ADGRL3: variants seen among roughly 807,000 people sequenced by gnomAD.
The protein encoded by ADGRL3 is adhesion G protein-coupled receptor L3.
A neutral mutation model predicts 153.5 loss-of-function variants in ADGRL3; 62 were observed. The ratio of observed to expected loss-of-function variants is 0.40; its 90% CI spans 0.33 to 0.50. The LOEUF (loss-of-function observed/expected upper bound fraction) is 0.50, where lower values mean the gene tolerates loss of function less well. Ranked by LOEUF, ADGRL3 falls within the 20% of genes least tolerant of loss-of-function variation. The pLI, the probability that ADGRL3 is intolerant of heterozygous loss-of-function variation, is 0.47. For missense variants in ADGRL3, 1,641 were observed against 1,859.4 expected (o/e 0.88, Z 2.16); for synonymous variants, 710 against 672.5 (o/e 1.06, Z -0.86).
intron 21 of ADGRL3, among the ~76,000 whole-genome samples, chr4:62,001,942 A>G (rs1433912710): frequency 6.6e-6 from 1 of 152,128 alleles, no homozygotes; most frequent in African/African-American, 2.4e-5. Context: ...TCATTCATTC[A>G]GTTACCAAGT....
chr4:61,755,446 G>A (rs549770064), intron 8 of ADGRL3, among the ~76,000 whole-genome samples: 16 of 152,184 alleles, frequency 1.1e-4, no homozygotes, highest in South Asian at 2.1e-4. Context: ...CATATCCTTC[G>A]CCCACTTTTT....
At chr4:61,724,442 G>C (rs941285628) in intron 6 of ADGRL3, among the ~76,000 whole-genome samples, 1 of 152,222 alleles carries the variant, frequency 6.6e-6, no homozygotes, top group East Asian at 1.9e-4. Context: ...TATAGATATT[G>C]CATTTAAGTG....
chr4:61,775,166 T>C (rs2097132836), intron 8 of ADGRL3, among the ~76,000 whole-genome samples: 1 of 152,126 alleles, frequency 6.6e-6, no homozygotes, highest in Non-Finnish European at 1.5e-5. Context: ...CTTCACTGAA[T>C]TATCCCCCAA....
chr4:62,055,227 G>A (rs1158424920), intron 25 of ADGRL3, among the ~76,000 whole-genome samples: 4 of 151,668 alleles, frequency 2.6e-5, no homozygotes, highest in African/African-American at 7.3e-5. Flanking sequence ...CTGAATCTTC[G>A]GATTTGTATG....
chr4:61,917,784 G>A (rs913837363), intron 13 of ADGRL3, among the ~76,000 whole-genome samples: 14 of 149,836 alleles, frequency 9.3e-5, no homozygotes, highest in South Asian at 2.1e-4. Context: ...ATGCAGGAGC[G>A]AGCATTTTAG....
At chr4:61,664,932 G>A (rs951033975) in intron 5 of ADGRL3, among the ~76,000 whole-genome samples, 5 of 152,064 alleles carry the variant, frequency 3.3e-5, no homozygotes, top group African/African-American at 9.7e-5. Flanking sequence ...CCTTTAGGTA[G>A]CCAGGTCCTT....
intron 17 of ADGRL3, among the ~76,000 whole-genome samples, chr4:61,972,878 A>G (rs1462612889): frequency 6.6e-6 from 1 of 152,172 alleles, no homozygotes; most frequent in African/African-American, 2.4e-5. Flanking sequence ...CAACATTAAA[A>G]TAATGCATTA....
chr4:61,717,944 G>T (rs1181533833), intron 6 of ADGRL3, among the ~76,000 whole-genome samples: 1 of 152,092 alleles, frequency 6.6e-6, no homozygotes, highest in Non-Finnish European at 1.5e-5. Context: ...TGAGGAGGGA[G>T]GATTGCTTGA....
intron 4 of ADGRL3, among the ~76,000 whole-genome samples, chr4:61,554,272 C>A (rs373324990): frequency 2.0e-5 from 3 of 151,614 alleles, no homozygotes; most frequent in Non-Finnish European, 2.9e-5. Flanking sequence ...TGGCTCACTG[C>A]AACCTCCACC....
chr4:61,619,231 A>C (rs2092311847), intron 5 of ADGRL3, among the ~76,000 whole-genome samples: 1 of 152,124 alleles, frequency 6.6e-6, no homozygotes, highest in Admixed American at 6.5e-5. Context: ...TTGTGCATAG[A>C]CCGTACAAAG....
intron 17 of ADGRL3, among the ~76,000 whole-genome samples, chr4:61,975,264 A>C: frequency 6.6e-6 from 1 of 152,106 alleles, no homozygotes; most frequent in Admixed American, 6.5e-5. Context: ...ACTCAGAAAA[A>C]ACCCTCTGTG....
At chr4:61,512,979 A>G (rs796577228) in intron 3 of ADGRL3, among the ~76,000 whole-genome samples, 87 of 152,260 alleles carry the variant, frequency 5.7e-4, no homozygotes, top group African/African-American at 1.9e-3. Flanking sequence ...ATGGTGAAAT[A>G]TAACCCTAAA....
At chr4:61,816,472 G>A (rs2097689708) in intron 9 of ADGRL3, among the ~76,000 whole-genome samples, 1 of 152,154 alleles carries the variant, frequency 6.6e-6, no homozygotes, top group Non-Finnish European at 1.5e-5. Context: ...AAGTCACAGA[G>A]CAAATTCAAT....
intron 6 of ADGRL3, among the ~76,000 whole-genome samples, chr4:61,698,007 C>T (rs193092771): frequency 5.5e-4 from 84 of 152,268 alleles, no homozygotes; most frequent in African/African-American, 2.0e-3. Flanking sequence ...CAGGCTCCCC[C>T]ACTATTAGGA....
intron 8 of ADGRL3, among the ~76,000 whole-genome samples, chr4:61,755,059 A>T (rs554085520): frequency 6.6e-6 from 1 of 152,250 alleles, no homozygotes; most frequent in East Asian, 1.9e-4. Flanking sequence ...TGCTATTGTG[A>T]ATAGTGCTGC....
intron 6 of ADGRL3, among the ~76,000 whole-genome samples, chr4:61,697,964 G>A (rs907431283): frequency 6.6e-6 from 1 of 152,042 alleles, no homozygotes; most frequent in Non-Finnish European, 1.5e-5. Context: ...TCAAGCTATG[G>A]GAAAATACTT....
chr4:61,202,152 C>G lies in ADGRL3; in HGVS notation c.-240+387C>G, dbSNP rs1035030221. 6.5e-6 allele frequency: 1 copy of G among 153,302 alleles called. No homozygotes were observed. Among genetic ancestry groups the G allele is most frequent in the Admixed American group, 6.5e-5 (1 of 15,298 alleles). 9.5% of individuals were successfully genotyped at this position (153,302 alleles called of 1,614,324 possible). ...TCCCCTGGTGGGGGCAGAAAGCGGA[C>G]AGGAGGGCGACTTTTCTCCGTCAGG... On this transcript the variant is annotated intron_variant, in intron 1 of 26. Transcript: ENST00000683033. The surrounding 1 kb of genome is among the most constrained non-coding windows in gnomAD (Gnocchi z 5.0).
At chr4:61,250,967 G>A (rs1505673) in intron 1 of ADGRL3, among the ~76,000 whole-genome samples, 18,494 of 151,990 alleles carry the variant, frequency 0.12, 1,296 homozygotes, top group East Asian at 0.27. Flanking sequence ...TATTACTACC[G>A]TTTCTATTAT....
At chr4:61,436,890 C>CAA (rs74715349) in intron 2 of ADGRL3, among the ~76,000 whole-genome samples, 79,231 of 142,826 alleles carry the variant, frequency 0.55, 21,231 homozygotes, top group East Asian at 0.84. Flanking sequence ...TACTTGATAT[C>CAA]AAAAAAAAGG....
Sources: allele counts gnomAD v4.1 joint callset (sites outside exome capture counted in the v4.1 genomes callset), GRCh38; gene constraint gnomAD v4.1.1; non-coding constraint Gnocchi (gnomAD v3.1); transcripts MANE v1.5; gene names NCBI Gene and HGNC (gene_info 2026-07-23, HGNC 2026-07-21).